CLUL1: variants seen among roughly 807,000 people sequenced by gnomAD.
CLUL1 encodes the protein clusterin-like protein 1.
CLUL1 carries 43 observed loss-of-function variants against 49.4 expected under a neutral mutation model. That is an observed-to-expected ratio of 0.87 (90% CI 0.68 to 1.12). CLUL1 has a LOEUF of 1.12. CLUL1 is among the 50% of genes most tolerant of loss of function. The pLI is 0.00. For synonymous variants in CLUL1, 192 were observed against 184.9 expected (o/e 1.04, Z -0.31); for missense variants, 486 against 544.4 (o/e 0.89, Z 1.07).
chr18:645,810 A>ATATATATCT, intron 9 of CLUL1, among the ~76,000 whole-genome samples: 1 of 29,872 alleles, frequency 3.3e-5, no homozygotes, highest in Admixed American at 5.1e-4. Context: ...AAAAAAAAAA[A>ATATATATCT]ATATATATAT....
chr18:599,887 G>T (rs1273567510), intron 1 of CLUL1, among the ~76,000 whole-genome samples: 1 of 151,368 alleles, frequency 6.6e-6, no homozygotes, highest in Non-Finnish European at 1.5e-5. Flanking sequence ...GGCGGAGCTT[G>T]CAGTGAGCCG....
Position 645,654 on chromosome 18 carries a change from C to T in CLUL1, c.1397+557C>T, listed in dbSNP as rs201807564. Among the ~76,000 whole-genome samples the T allele has an allele frequency of 6.2e-4, 93 of 150,106 alleles. No individual in the cohort carries two copies. In the East Asian group the frequency reaches 0.013, roughly 21 times the overall value. On this transcript the variant is annotated intron_variant, in intron 9 of 9. Transcript: ENST00000692774. Reference sequence around the variant, plus strand: ...ACTAAAATAAAAAAAATTAGCCGGGCGTGGTGGCGGGCGCCTGTAGTCCCA... The same window carrying T: ...ACTAAAATAAAAAAAATTAGCCGGGTGTGGTGGCGGGCGCCTGTAGTCCCA...
chr18:602,577 T>C (rs1468829622), intron 1 of CLUL1, among the ~76,000 whole-genome samples: 2 of 152,244 alleles, frequency 1.3e-5, no homozygotes, highest in African/African-American at 2.4e-5. Flanking sequence ...GCTATTTTCA[T>C]AATTTCCTCT....
At chr18:648,994 A>C (rs1320558494) in intron 9 of CLUL1, among the ~76,000 whole-genome samples, 1 of 152,080 alleles carries the variant, frequency 6.6e-6, no homozygotes, top group African/African-American at 2.4e-5. Flanking sequence ...AATAAATGAA[A>C]ATTTTTATCT....
chr18:646,748 C>T (rs114581604), intron 9 of CLUL1, among the ~76,000 whole-genome samples: 4,003 of 150,162 alleles, frequency 0.027, 192 homozygotes, highest in African/African-American at 0.093. Context: ...TTCCTTTTTT[C>T]TTTCTTTCTT....
chr18:598,465 C>G, intron 1 of CLUL1: 1 of 398,412 alleles, frequency 2.5e-6, no homozygotes, highest in Non-Finnish European at 4.4e-6. Flanking sequence ...TCTTGAGTCT[C>G]AAGGCTGCCT....
intron 6 of CLUL1, among the ~76,000 whole-genome samples, chr18:629,228 A>G (rs1386231477): frequency 6.6e-6 from 1 of 152,202 alleles, no homozygotes; most frequent in Admixed American, 6.5e-5. Flanking sequence ...CTGGTAGTCC[A>G]TTCTGAGGTT....
At chr18:630,641 A>C (rs144472969) in intron 6 of CLUL1, among the ~76,000 whole-genome samples, 156 of 140,550 alleles carry the variant, frequency 1.1e-3, no homozygotes, top group African/African-American at 4.0e-3. Context: ...TCTCCTCTAG[A>C]GCCTCCGCAA....
intron 6 of CLUL1, among the ~76,000 whole-genome samples, chr18:630,357 C>T (rs559031697): frequency 6.9e-4 from 105 of 152,278 alleles, no homozygotes; most frequent in African/African-American, 2.5e-3. Flanking sequence ...GATCCGCCCA[C>T]CTCGGCCTCC....
chr18:625,518 A>AACACACACACACACACAC (rs3221054), intron 5 of CLUL1, among the ~76,000 whole-genome samples: 1 of 144,632 alleles, frequency 6.9e-6, no homozygotes, highest in Non-Finnish European at 1.5e-5. Flanking sequence ...CCTTATGCAT[A>AACACACACACACACACAC]ACACACACAC....
intron 1 of CLUL1, among the ~76,000 whole-genome samples, chr18:603,787 A>G (rs1188755594): frequency 1.3e-5 from 2 of 152,190 alleles, no homozygotes; most frequent in East Asian, 3.8e-4. Flanking sequence ...GCATTCCTCC[A>G]TCATTAACCC....
chr18:645,880 CAAG>C (rs1321160854), intron 9 of CLUL1, among the ~76,000 whole-genome samples: 2 of 89,402 alleles, frequency 2.2e-5, no homozygotes, highest in African/African-American at 8.4e-5. Context: ...TGTGTAAAAA[CAAG>C]AGAATGATTA....
At chr18:620,724 T>C (rs1393756169) in intron 4 of CLUL1, among the ~76,000 whole-genome samples, 1 of 152,226 alleles carries the variant, frequency 6.6e-6, no homozygotes, top group African/African-American at 2.4e-5. Flanking sequence ...AGAATACATA[T>C]TATATTCAAA....
intron 5 of CLUL1, among the ~76,000 whole-genome samples, chr18:626,213 A>G (rs1035483122): frequency 6.6e-6 from 1 of 152,088 alleles, no homozygotes; most frequent in Non-Finnish European, 1.5e-5. Flanking sequence ...CCTGGGTTCA[A>G]GTGATTCTCC....
intron 2 of CLUL1, among the ~76,000 whole-genome samples, chr18:607,658 GC>G (rs2073017531): frequency 6.6e-6 from 1 of 151,912 alleles, no homozygotes; most frequent in South Asian, 2.1e-4. Flanking sequence ...AAACTCCTGG[GC>G]TCCAGTGATG....
chr18:617,638 C>T (rs1309410613), intron 2 of CLUL1, among the ~76,000 whole-genome samples: 1 of 151,166 alleles, frequency 6.6e-6, no homozygotes, highest in Non-Finnish European at 1.5e-5. Context: ...GAAAAAAATC[C>T]CTCTAACAGA....
chr18:640,627 G>T (rs2144172054), intron 7 of CLUL1, among the ~76,000 whole-genome samples: 1 of 152,158 alleles, frequency 6.6e-6, no homozygotes, highest in South Asian at 2.1e-4. Context: ...GTTGTATGTT[G>T]GTCTATGTAG....
intron 1 of CLUL1, chr18:598,308 G>A (rs2072716117): frequency 8.1e-6 from 3 of 371,880 alleles, no homozygotes; most frequent in South Asian, 1.5e-4. Flanking sequence ...TAAACTTTGC[G>A]TGACCTTGAA....
chr18:635,341 G>C (rs114002640), intron 7 of CLUL1, among the ~76,000 whole-genome samples: 1,706 of 152,214 alleles, frequency 0.011, 30 homozygotes, highest in African/African-American at 0.039. Flanking sequence ...GTGCTCCCGT[G>C]AGAATGGAAT....
Sources: gnomAD v4.1 joint callset for allele counts (sites outside exome capture counted in the v4.1 genomes callset) on GRCh38, gnomAD v4.1.1 for gene constraint, MANE v1.5 for transcripts, NCBI Gene and HGNC (gene_info 2026-07-23, HGNC 2026-07-21) for gene names.